ATP7B: variants seen among roughly 807,000 people sequenced by gnomAD.
ATP7B encodes the protein copper-transporting ATPase 2.
In ATP7B, 113 loss-of-function variants were observed where a neutral mutation model predicts 118.9. The ratio of observed to expected loss-of-function variants is 0.95; its 90% CI spans 0.82 to 1.11. The LOEUF is 1.11. Ranked by LOEUF, ATP7B falls within the 50% of genes most tolerant of loss-of-function variation. ATP7B has a pLI of 0.00. For missense variants in ATP7B, 1,867 were observed against 1,871.4 expected (o/e 1.00, Z 0.04); for synonymous variants, 777 against 727.4 (o/e 1.07, Z -1.10).
chr13:51,971,944 G>T (rs1398967083), intron 2 of ATP7B, among the ~76,000 whole-genome samples: 1 of 152,222 alleles, frequency 6.6e-6, no homozygotes, highest in Non-Finnish European at 1.5e-5. Flanking sequence ...TTAGTGTTGG[G>T]CCCGCTGCTC....
At chr13:51,938,976 G>C in intron 17 of ATP7B, 75 bp downstream of exon 17, 3 of 1,609,406 alleles carry the variant, frequency 1.9e-6, no homozygotes, top group Non-Finnish European at 2.6e-6. Flanking sequence ...CTCAGTGCTG[G>C]GCCAACTGGT....
chr13:52,003,173 C>T (rs910006466), intron 1 of ATP7B, among the ~76,000 whole-genome samples: 15 of 152,326 alleles, frequency 9.8e-5, no homozygotes, highest in African/African-American at 3.4e-4. Flanking sequence ...CACCAGAGGC[C>T]TAGGTTTCAG....
chr13:51,979,421 G>C (rs1952299799), intron 1 of ATP7B, among the ~76,000 whole-genome samples: 1 of 152,158 alleles, frequency 6.6e-6, no homozygotes, highest in African/African-American at 2.4e-5. Context: ...CTGGGATACA[G>C]AGAATTACTT....
At chr13:51,961,693 T>A in intron 6 of ATP7B, 144 bp downstream of exon 6, 1 of 800,770 alleles carries the variant, frequency 1.2e-6, no homozygotes, top group South Asian at 1.5e-5. Context: ...CAGCACTGTT[T>A]CAGAGGGTTC....
chr13:51,941,638 A>G (rs1957340736), intron 15 of ATP7B, among the ~76,000 whole-genome samples: 1 of 152,210 alleles, frequency 6.6e-6, no homozygotes, highest in Admixed American at 6.5e-5. Flanking sequence ...AAATAATCAG[A>G]CACGTCTACA....
At chr13:51,995,401 A>G in intron 1 of ATP7B, 1 of 931,568 alleles carries the variant, frequency 1.1e-6, no homozygotes, top group South Asian at 5.0e-5. Flanking sequence ...CCTCCACAGT[A>G]GACACTGGCC....
At chr13:51,978,053 A>T (rs1285502464) in intron 1 of ATP7B, among the ~76,000 whole-genome samples, 1 of 152,234 alleles carries the variant, frequency 6.6e-6, no homozygotes, top group African/African-American at 2.4e-5. Flanking sequence ...AACACAGGAG[A>T]ATATCTACAA....
At position 51,937,664 on chromosome 13, in the gene ATP7B, C is replaced by A. The variant is rs185912036; in HGVS notation, c.3715G>T (p.Val1239Phe). 2 of 1,614,256 alleles carry A rather than the reference C, an allele frequency of 1.2e-6. No homozygotes were observed. The highest frequency in any genetic ancestry group is 4.5e-5 in the East Asian group (2 of 44,886). Residue 1239 changes from valine (V) to phenylalanine (F), a missense_variant, in exon 18 of 21, where the codon GTC becomes TTC. Val to Phe is a conservative substitution (Grantham distance 50). Transcript: ENST00000242839. ...TGCGAAGGCAGCACCTCTGCAAAGACTTTGTTGATGCCAACCTAAGACAAA... is the reference window on the plus strand; with the variant it reads ...TGCGAAGGCAGCACCTCTGCAAAGAATTTGTTGATGCCAACCTAAGACAAA... ...AIATQVGINK[V>F]FAEVLPSHKV...
chr13:51,997,315 CT>C (rs1294243210), intron 1 of ATP7B, among the ~76,000 whole-genome samples: 2 of 152,150 alleles, frequency 1.3e-5, no homozygotes, highest in South Asian at 4.1e-4. Flanking sequence ...TTTCCGCTGC[CT>C]TTTAAAGTGA....
At chr13:51,969,182 G>A (rs1480001740) in intron 3 of ATP7B, among the ~76,000 whole-genome samples, 1 of 151,426 alleles carries the variant, frequency 6.6e-6, no homozygotes, top group African/African-American at 2.4e-5. Flanking sequence ...AGGGAAGTCT[G>A]ACAACCACTA....
chr13:51,959,306 G>A (rs1240723205), intron 7 of ATP7B: 2 of 152,716 alleles, frequency 1.3e-5, no homozygotes, highest in Non-Finnish European at 2.9e-5. Flanking sequence ...GAGCTTGGAG[G>A]ACTGTTGAAG....
In ATP7B at chr13:51,966,708, C is replaced by T. The variant is rs917815503; in HGVS notation, c.1708-1675G>A. ...CAGCATGCTGCCATGCCGACGTAGA[C>T]CCTGCTCTGCACGCCAGCCCGCCCG... On this transcript the variant is annotated intron_variant, in intron 4 of 20. Coordinates refer to ENST00000242839, the MANE Select transcript of ATP7B (RefSeq NM_000053.4). 2.6e-6 allele frequency: 4 copies of T among 1,546,338 alleles called. No homozygotes were observed. In the African/African-American group the frequency reaches 4.1e-5, roughly 16 times the overall value.
At chr13:51,936,372 C>T (rs550336167) in intron 19 of ATP7B, among the ~76,000 whole-genome samples, 47 of 136,904 alleles carry the variant, frequency 3.4e-4, no homozygotes, top group Non-Finnish European at 5.1e-4. Context: ...GCTGTGATTA[C>T]AAACTTGATC....
At chr13:52,003,465 A>T (rs973121344) in intron 1 of ATP7B, among the ~76,000 whole-genome samples, 6 of 152,240 alleles carry the variant, frequency 3.9e-5, no homozygotes, top group Non-Finnish European at 8.8e-5. Context: ...CAGTAGCATC[A>T]AAGAGCACTG....
intron 1 of ATP7B, among the ~76,000 whole-genome samples, chr13:51,987,059 T>C (rs1952686324): frequency 6.6e-6 from 1 of 152,184 alleles, no homozygotes; most frequent in African/African-American, 2.4e-5. Flanking sequence ...GTATTGGAAG[T>C]TCTGGCCAGG....
chr13:51,965,326 A>G (rs1951492295), intron 4 of ATP7B, among the ~76,000 whole-genome samples: 1 of 152,192 alleles, frequency 6.6e-6, no homozygotes, highest in African/African-American at 2.4e-5. Context: ...ATGGGCTTTT[A>G]TAAGCCCCTC....
At chr13:52,011,514 C>T (rs1215483748), upstream of ATP7B, 4 of 745,688 alleles carry the variant, frequency 5.4e-6, no homozygotes, top group African/African-American at 5.2e-5. Context: ...CATTTGGGAC[C>T]GGGGAAGCCG....
intron 9 of ATP7B, among the ~76,000 whole-genome samples, chr13:51,954,628 G>A (rs538430082): frequency 2.6e-5 from 4 of 152,328 alleles, no homozygotes; most frequent in African/African-American, 7.2e-5. Flanking sequence ...GTGAATGAGG[G>A]CAGACAGGCA....
At chr13:51,965,422 G>A (rs1226004147) in intron 4 of ATP7B, among the ~76,000 whole-genome samples, 1 of 152,212 alleles carries the variant, frequency 6.6e-6, no homozygotes, top group East Asian at 1.9e-4. Flanking sequence ...CTGCACTCCT[G>A]AAATACTCTC....
Sources: gnomAD v4.1 joint callset for allele counts (sites outside exome capture counted in the v4.1 genomes callset) on GRCh38, gnomAD v4.1.1 for gene constraint, MANE v1.5 for transcripts, NCBI Gene and HGNC (gene_info 2026-07-23, HGNC 2026-07-21) for gene names.